Variants in DLGAP1 observed in about 807,000 individuals in gnomAD.
DLGAP1 encodes the protein DLG associated protein 1.
Under a neutral mutation model 90.8 loss-of-function variants are expected in DLGAP1, and 11 were observed. The observed-to-expected ratio is 0.12, with a 90% CI of 0.08 to 0.20. DLGAP1 has a LOEUF of 0.20. Among genes scored for constraint, DLGAP1 ranks in the 10% least tolerant of loss-of-function variants. The probability of loss-of-function intolerance (pLI) is 1.00; values close to 1 mark genes in which losing one functional copy is unlikely to be tolerated. For missense variants in DLGAP1, 1,050 were observed against 1,333.8 expected (o/e 0.79, Z 3.31); for synonymous variants, 558 against 540.7 (o/e 1.03, Z -0.44).
intron 6 of DLGAP1, among the ~76,000 whole-genome samples, chr18:3,730,793 T>A (rs2062395836): frequency 6.6e-6 from 1 of 152,242 alleles, no homozygotes; most frequent in Non-Finnish European, 1.5e-5. Flanking sequence ...AAGAATTCTT[T>A]ACAGTTTAAA....
At chr18:4,300,227 T>C (rs2080089938) in intron 1 of DLGAP1, among the ~76,000 whole-genome samples, 1 of 152,206 alleles carries the variant, frequency 6.6e-6, no homozygotes, top group Admixed American at 6.5e-5. Context: ...TTTAATGCCA[T>C]ATGATTGGGT....
At chr18:4,397,772 A>G (rs9955475) in intron 1 of DLGAP1, among the ~76,000 whole-genome samples, 67,697 of 152,058 alleles carry the variant, frequency 0.45, 16,247 homozygotes, top group East Asian at 0.68. Context: ...TTGTAGATCA[A>G]TCTTACCATA....
At chr18:4,270,255 C>T (rs1459495728) in intron 1 of DLGAP1, among the ~76,000 whole-genome samples, 1 of 152,078 alleles carries the variant, frequency 6.6e-6, no homozygotes, top group Non-Finnish European at 1.5e-5. Flanking sequence ...TTCATTTTCC[C>T]CTCTTATTAC....
intron 1 of DLGAP1, among the ~76,000 whole-genome samples, chr18:4,315,001 T>C (rs1342584993): frequency 6.6e-6 from 1 of 152,220 alleles, no homozygotes; most frequent in Non-Finnish European, 1.5e-5. Flanking sequence ...TTTTGGGACT[T>C]ATGAAATTTA....
At position 3,534,447 on chromosome 18, in the gene DLGAP1, C is replaced by T. The variant is rs1319367429; in HGVS notation, c.2226G>A (p.Gln742=). The T allele has an allele frequency of 6.2e-7, 1 of 1,614,152 alleles. No homozygotes were observed. Among genetic ancestry groups the T allele is most frequent in the Admixed American group, 1.7e-5 (1 of 60,016 alleles). ...AGGCATGGTAATGGTTTCCTGAGCC[C>T]TGAATGCTGACTGTGGAGGTGCTGG... ...RDASTSTVSI[Q]GSGNHYHACA... is the part of the protein sequence containing the mutation. The change falls in exon 10 of 13, where the codon CAG becomes CAA. Residue 742 remains glutamine, a synonymous_variant. Coordinates refer to ENST00000315677, the MANE Select transcript of DLGAP1 (RefSeq NM_004746.4).
chr18:3,580,435 G>A, intron 8 of DLGAP1: 2 of 1,613,354 alleles, frequency 1.2e-6, no homozygotes, highest in Admixed American at 1.7e-5. Flanking sequence ...TCTGTGGTTT[G>A]TGCTACACCT....
intron 1 of DLGAP1, among the ~76,000 whole-genome samples, chr18:4,444,030 A>G (rs1193270880): frequency 1.3e-5 from 2 of 152,212 alleles, no homozygotes; most frequent in African/African-American, 2.4e-5. Context: ...TTCTAAGGAA[A>G]GAAACTGGGT....
At chr18:3,663,148 G>A (rs2059746033) in intron 7 of DLGAP1, among the ~76,000 whole-genome samples, 1 of 152,110 alleles carries the variant, frequency 6.6e-6, no homozygotes, top group African/African-American at 2.4e-5. Context: ...GTGCATGCCT[G>A]TAATCCCAGC....
At chr18:4,094,607 CTTTTTTTTT>C (rs35060422) in intron 2 of DLGAP1, among the ~76,000 whole-genome samples, 5 of 124,834 alleles carry the variant, frequency 4.0e-5, no homozygotes, top group South Asian at 2.6e-4. Flanking sequence ...CTTTCTCTTT[CTTTTTTTTT>C]TTTTTTTGTC....
chr18:3,581,277 C>T (rs62084020), intron 8 of DLGAP1, among the ~76,000 whole-genome samples: 1 of 152,180 alleles, frequency 6.6e-6, no homozygotes, highest in African/African-American at 2.4e-5. Context: ...CCTTGATCAC[C>T]TTGGCCCTCC....
intron 7 of DLGAP1, chr18:3,596,534 C>T (rs2056584839): frequency 4.5e-6 from 1 of 221,320 alleles, no homozygotes; most frequent in African/African-American, 2.5e-5. Context: ...CAACCTGTTG[C>T]TATATTCTCT....
rs11877089 is a variant in DLGAP1, at chr18:3,837,145, T to G, written c.958-22872A>C. Among the ~76,000 whole-genome samples the G allele has an allele frequency of 5.4e-3, 820 of 152,356 alleles. 12 individuals carry two copies. The highest frequency in any genetic ancestry group is 0.018 in the African/African-American group (769 of 41,582). ...TGCGAAATAGGCTTTCAAGATGTGT[T>G]TTCTATCTTCCTTCCAATTTTGGGT... On this transcript the variant is annotated intron_variant, in intron 4 of 12. Coordinates refer to ENST00000315677, the MANE Select transcript of DLGAP1 (RefSeq NM_004746.4).
chr18:4,054,909 G>A (rs1192591304), intron 2 of DLGAP1, among the ~76,000 whole-genome samples: 1 of 152,154 alleles, frequency 6.6e-6, no homozygotes, highest in Non-Finnish European at 1.5e-5. Context: ...TATTTAGGAG[G>A]CAAGCACCAA....
intron 9 of DLGAP1, among the ~76,000 whole-genome samples, chr18:3,539,933 A>G (rs564356687): frequency 1.3e-5 from 2 of 152,346 alleles, no homozygotes; most frequent in African/African-American, 2.4e-5. Context: ...AGTTTCAAAG[A>G]GAGCAATGCT....
chr18:4,078,891 A>C (rs1449668822), intron 2 of DLGAP1, among the ~76,000 whole-genome samples: 1 of 152,218 alleles, frequency 6.6e-6, no homozygotes, highest in Non-Finnish European at 1.5e-5. Flanking sequence ...CCACAGATTC[A>C]GTCCCCATTA....
intron 2 of DLGAP1, among the ~76,000 whole-genome samples, chr18:4,127,031 T>G (rs1364045751): frequency 6.6e-6 from 1 of 152,208 alleles, no homozygotes; most frequent in Non-Finnish European, 1.5e-5. Flanking sequence ...AATCATATTT[T>G]GTATCCCTGA....
chr18:4,073,769 C>T (rs2075485064), intron 2 of DLGAP1, among the ~76,000 whole-genome samples: 1 of 146,964 alleles, frequency 6.8e-6, no homozygotes, highest in South Asian at 2.1e-4. Flanking sequence ...ATTTAGATAT[C>T]ATCACCCTAT....
rs540663518 is a variant in DLGAP1, at chr18:4,276,500, G to A, written c.-266-125213C>T. On this transcript the variant is annotated intron_variant, in intron 1 of 12. Coordinates refer to ENST00000315677, the MANE Select transcript of DLGAP1 (RefSeq NM_004746.4). ...AAAATACGAAAATTAGCCGGGTGTG[G>A]TGGCATGCACCTGTAATCCCAGCTA... Among the ~76,000 whole-genome samples the A allele has an allele frequency of 2.0e-5, 3 of 151,858 alleles. No individual in the cohort carries two copies. In the East Asian group the frequency reaches 5.8e-4, roughly 29 times the overall value.
intron 2 of DLGAP1, among the ~76,000 whole-genome samples, chr18:4,060,272 G>T (rs534837993): frequency 1.8e-4 from 28 of 152,294 alleles, no homozygotes; most frequent in Non-Finnish European, 3.7e-4. Context: ...CTCTGTGCTA[G>T]TCTCCTCTGA....
Sources: allele counts gnomAD v4.1 joint callset (sites outside exome capture counted in the v4.1 genomes callset), GRCh38; gene constraint gnomAD v4.1.1; transcripts MANE v1.5; gene names NCBI Gene and HGNC (gene_info 2026-07-23, HGNC 2026-07-21).